Variants in CTNNA3 observed in about 807,000 individuals in gnomAD.
CTNNA3 encodes the protein catenin alpha-3.
Under a neutral mutation model 95.7 loss-of-function variants are expected in CTNNA3, and 76 were observed. That is an observed-to-expected ratio of 0.79 (90% CI 0.66 to 0.96). The LOEUF (loss-of-function observed/expected upper bound fraction) is 0.96, where lower values mean the gene tolerates loss of function less well. Ranked by LOEUF, CTNNA3 falls within the 40% of genes least tolerant of loss-of-function variation. The pLI is 0.00. For synonymous variants in CTNNA3, 431 were observed against 374.4 expected (o/e 1.15, Z -1.74); for missense variants, 1,191 against 1,089.8 (o/e 1.09, Z -1.31).
chr10:66,266,404 T>C (rs2091160534), intron 13 of CTNNA3, among the ~76,000 whole-genome samples: 1 of 152,036 alleles, frequency 6.6e-6, no homozygotes, highest in African/African-American at 2.4e-5. Flanking sequence ...TGAAGCTAAA[T>C]GTAAGGCTTC....
intron 15 of CTNNA3, among the ~76,000 whole-genome samples, chr10:66,044,751 CCTGT>C (rs1186916446): frequency 6.6e-6 from 1 of 152,146 alleles, no homozygotes; most frequent in African/African-American, 2.4e-5. Context: ...TGGTTTTTCT[CCTGT>C]CTGTTTACAT....
At chr10:66,849,821 G>C (rs917440434) in intron 7 of CTNNA3, among the ~76,000 whole-genome samples, 1 of 152,182 alleles carries the variant, frequency 6.6e-6, no homozygotes, top group Admixed American at 6.5e-5. Flanking sequence ...CACCAAGCTT[G>C]TAGTACTTTG....
Position 65,920,449 on chromosome 10 carries a change from GT to G in CTNNA3, c.2568del (p.Lys856AsnfsTer3), listed in dbSNP as rs759618368. 1.2e-6 allele frequency: 2 copies of G among 1,614,010 alleles called. No homozygotes were observed. Among genetic ancestry groups the G allele is most frequent in the Non-Finnish European group, 1.7e-6 (2 of 1,179,996 alleles). On this transcript the variant is annotated frameshift_variant, in exon 18 of 18. Transcript: ENST00000433211. LOFTEE classifies it high-confidence loss of function. ...TCTGGCTTCTCTCTTTTAATCAAGG[GT>G]TTTTTTGCAGGAGCCTTCATTCTCC... ...VMWRMKAPAK[K>X]PLIKREKPEE...
At chr10:66,373,796 C>T (rs560786899) in intron 12 of CTNNA3, among the ~76,000 whole-genome samples, 37 of 152,162 alleles carry the variant, frequency 2.4e-4, no homozygotes, top group Non-Finnish European at 4.7e-4. Context: ...TTTCAACAGA[C>T]GTAGTTCAAT....
chr10:67,137,775 A>C (rs931146039), intron 7 of CTNNA3, among the ~76,000 whole-genome samples: 1 of 152,170 alleles, frequency 6.6e-6, no homozygotes, highest in Non-Finnish European at 1.5e-5. Flanking sequence ...AAAAGAGTTT[A>C]AACAGTATTA....
chr10:65,918,347 A>G lies in CTNNA3; in HGVS notation c.*1983T>C, dbSNP rs563865682. On this transcript the variant is annotated 3_prime_UTR_variant, in exon 18 of 18. Transcript: ENST00000433211. ...CTGCTAGTTTGGTGATTTCAAAAAAATTTTCTATACAGCTGGTAGTTTGGT... is the reference window on the plus strand; with the variant it reads ...CTGCTAGTTTGGTGATTTCAAAAAAGTTTTCTATACAGCTGGTAGTTTGGT... The G allele has an allele frequency of 6.6e-6, 1 of 152,124 alleles. No homozygotes were observed. The highest frequency in any genetic ancestry group is 1.9e-4 in the East Asian group (1 of 5,184). 9.4% of individuals were successfully genotyped at this position (152,124 alleles called of 1,614,324 possible). A position where few individuals can be genotyped will look rare whatever the true frequency, so the allele number is the denominator to read the frequency against.
chr10:66,331,845 A>C lies in CTNNA3; in HGVS notation c.1732+47307T>G, dbSNP rs562136612. On this transcript the variant is annotated intron_variant, in intron 12 of 17. Coordinates refer to ENST00000433211, the MANE Select transcript of CTNNA3 (RefSeq NM_013266.4). Reference sequence around the variant, plus strand: ...TTTTTCCAATTCTGTGAAGAAAGTCATTGGTAGCTTGATGGGGATGGCATT... The same window carrying C: ...TTTTTCCAATTCTGTGAAGAAAGTCCTTGGTAGCTTGATGGGGATGGCATT... 4.6e-5 allele frequency among the ~76,000 whole-genome samples: 7 copies of C among 152,046 alleles called. 1 individual carries two copies. The highest frequency in any genetic ancestry group is 4.6e-4 in the Admixed American group (7 of 15,288).
intron 10 of CTNNA3, among the ~76,000 whole-genome samples, chr10:66,582,803 G>A (rs185895552): frequency 5.9e-5 from 9 of 151,676 alleles, no homozygotes; most frequent in Admixed American, 3.3e-4. Context: ...TTATTTAGAG[G>A]TATGTTTCTT....
chr10:67,170,151 A>T (rs866682673), intron 7 of CTNNA3, among the ~76,000 whole-genome samples: 5 of 152,206 alleles, frequency 3.3e-5, no homozygotes. Flanking sequence ...GAGAAAAGGA[A>T]GCACTTATAT....
intron 11 of CTNNA3, among the ~76,000 whole-genome samples, chr10:66,425,731 T>C (rs2093235041): frequency 6.6e-6 from 1 of 151,976 alleles, no homozygotes; most frequent in Non-Finnish European, 1.5e-5. Flanking sequence ...TTCACACACA[T>C]GCTTTTTATC....
At chr10:66,297,534 C>T (rs372355534) in intron 12 of CTNNA3, among the ~76,000 whole-genome samples, 1 of 152,114 alleles carries the variant, frequency 6.6e-6, no homozygotes, top group African/African-American at 2.4e-5. Context: ...AGAAACATTG[C>T]ATTTTTCTGC....
intron 7 of CTNNA3, among the ~76,000 whole-genome samples, chr10:67,140,489 G>A (rs1424880129): frequency 6.6e-6 from 1 of 152,008 alleles, no homozygotes; most frequent in African/African-American, 2.4e-5. Context: ...ATATATACAT[G>A]ACTGAAATTT....
At chr10:67,687,079 G>T (rs1211223135) in intron 1 of CTNNA3, among the ~76,000 whole-genome samples, 1 of 152,178 alleles carries the variant, frequency 6.6e-6, no homozygotes, top group African/African-American at 2.4e-5. Context: ...CTGGTTACAG[G>T]CCATCCCAGG....
At chr10:66,009,164 T>C (rs887337691) in intron 15 of CTNNA3, among the ~76,000 whole-genome samples, 1 of 152,300 alleles carries the variant, frequency 6.6e-6, no homozygotes. Flanking sequence ...GGCCTAGTTC[T>C]TTTCAGTTTT....
chr10:66,785,431 G>C (rs1840703662), intron 7 of CTNNA3, among the ~76,000 whole-genome samples: 1 of 152,148 alleles, frequency 6.6e-6, no homozygotes, highest in Non-Finnish European at 1.5e-5. Flanking sequence ...TCTGTTGAGG[G>C]GCTGGGTAGA....
chr10:67,082,262 C>A (rs192890603), intron 7 of CTNNA3, among the ~76,000 whole-genome samples: 3 of 152,054 alleles, frequency 2.0e-5, no homozygotes, highest in Non-Finnish European at 4.4e-5. Context: ...TGGTTTTAAC[C>A]GCTGCTTGCT....
At chr10:67,156,258 TA>T (rs1276906056) in intron 7 of CTNNA3, among the ~76,000 whole-genome samples, 1 of 152,070 alleles carries the variant, frequency 6.6e-6, no homozygotes, top group Non-Finnish European at 1.5e-5. Flanking sequence ...TTTTTTCTAT[TA>T]TTTTTCTATG....
Position 67,334,842 on chromosome 10 carries a change from A to G in CTNNA3, c.580-114972T>C, listed in dbSNP as rs145917237. ...CCAAAATCTGTGGCTTGCATTGCCAAGCTAGAAAAGGCAAAGACTAAAGAA... is the reference window on the plus strand; with the variant it reads ...CCAAAATCTGTGGCTTGCATTGCCAGGCTAGAAAAGGCAAAGACTAAAGAA... On this transcript the variant is annotated intron_variant, in intron 5 of 17. Coordinates refer to ENST00000433211, the MANE Select transcript of CTNNA3 (RefSeq NM_013266.4). 1.3e-3 allele frequency: 219 copies of G among 165,824 alleles called. 8 individuals are homozygous for G. In the East Asian group the frequency reaches 0.028, roughly 22 times the overall value. 10.3% of individuals were successfully genotyped at this position (165,824 alleles called of 1,614,324 possible).
chr10:66,348,368 A>C (rs1009474544), intron 12 of CTNNA3, among the ~76,000 whole-genome samples: 1 of 152,130 alleles, frequency 6.6e-6, no homozygotes, highest in Non-Finnish European at 1.5e-5. Context: ...CAATTCACAT[A>C]ATCCCACTGA....
Sources: gnomAD v4.1 joint callset for allele counts (sites outside exome capture counted in the v4.1 genomes callset) on GRCh38, gnomAD v4.1.1 for gene constraint, MANE v1.5 for transcripts, NCBI Gene and HGNC (gene_info 2026-07-23, HGNC 2026-07-21) for gene names.